Variants in RALGPS1 observed in about 807,000 individuals in gnomAD.
The protein encoded by RALGPS1 is Ral GEF with PH domain and SH3 binding motif 1.
Under a neutral mutation model 78.8 loss-of-function variants are expected in RALGPS1, and 19 were observed. The ratio of observed to expected loss-of-function variants is 0.24; its 90% CI spans 0.17 to 0.35. The LOEUF is 0.35. Ranked by LOEUF, RALGPS1 falls within the 10% of genes least tolerant of loss-of-function variation. The pLI, the probability that RALGPS1 is intolerant of heterozygous loss-of-function variation, is 1.00. For missense variants in RALGPS1, 454 were observed against 688.3 expected, an observed-to-expected ratio of 0.66 and a Z score of 3.81; for synonymous variants, 228 against 256.3, an observed-to-expected ratio of 0.89 and a Z score of 1.06.
intron 11 of RALGPS1, among the ~76,000 whole-genome samples, chr9:127,194,214 C>T (rs147895025): frequency 7.2e-5 from 11 of 152,308 alleles, no homozygotes; most frequent in Non-Finnish European, 1.5e-4. Context: ...TGAATTATTC[C>T]CACTTTTCAG....
At chr9:127,053,909 C>T (rs2048501096) in intron 7 of RALGPS1, among the ~76,000 whole-genome samples, 1 of 152,220 alleles carries the variant, frequency 6.6e-6, no homozygotes, top group Non-Finnish European at 1.5e-5. Flanking sequence ...AGGTGCCATT[C>T]AGAGCATGAC....
intron 8 of RALGPS1, among the ~76,000 whole-genome samples, chr9:127,070,778 G>GATCT (rs2050128013): frequency 6.6e-6 from 1 of 151,928 alleles, no homozygotes; most frequent in African/African-American, 2.4e-5. Flanking sequence ...ATTTGCAAGG[G>GATCT]ATCTAGTGCA....
intron 17 of RALGPS1, chr9:127,213,897 A>G (rs2062426395): frequency 6.6e-6 from 1 of 152,270 alleles, no homozygotes; most frequent in African/African-American, 2.4e-5. Context: ...TGGGGAGACC[A>G]TGCCTTGAGT....
rs571362924 is a variant in RALGPS1 at position 127,196,356 on chromosome 9, C to T, written c.1038-118C>T. 4.2e-5 allele frequency: 50 copies of T among 1,185,138 alleles called. No homozygotes were observed. The East Asian group carries it at 1.2e-3, about 28-fold the overall frequency. 73.4% of individuals were successfully genotyped at this position (1,185,138 alleles called of 1,614,324 possible). A position where few individuals can be genotyped will look rare whatever the true frequency, so the allele number is the denominator to read the frequency against. ...GGACAGAGCCTGGGCTGTACCGTGG[C>T]TCTGGGTGGAGGCCTTTTTCCTGCA... On this transcript the variant is annotated intron_variant, in intron 12 of 18. Transcript: ENST00000259351.
chr9:127,189,971 T>G (rs1408350763), intron 11 of RALGPS1, among the ~76,000 whole-genome samples: 1 of 152,246 alleles, frequency 6.6e-6, no homozygotes, highest in Non-Finnish European at 1.5e-5. Flanking sequence ...TAGTCTCACT[T>G]TAAATAATGA....
At chr9:127,172,236 C>T (rs750563531) in intron 10 of RALGPS1, among the ~76,000 whole-genome samples, 1 of 152,210 alleles carries the variant, frequency 6.6e-6, no homozygotes. Context: ...TGCTGGCTGC[C>T]CTCCTTTGTT....
At chr9:127,027,336 A>C (rs7019291) in intron 4 of RALGPS1, among the ~76,000 whole-genome samples, 79,402 of 151,902 alleles carry the variant, frequency 0.52, 21,418 homozygotes, top group African/African-American at 0.64. Context: ...CTTAATATGG[A>C]ACCAGTTGTA....
intron 14 of RALGPS1, among the ~76,000 whole-genome samples, chr9:127,209,730 G>T (rs1208174229): frequency 6.6e-6 from 1 of 152,104 alleles, no homozygotes; most frequent in Non-Finnish European, 1.5e-5. Context: ...CTCCTTCCTG[G>T]GAGGAGGACA....
At chr9:127,060,397 C>T (rs62580849) in intron 7 of RALGPS1, among the ~76,000 whole-genome samples, 3,590 of 152,258 alleles carry the variant, frequency 0.024, 46 homozygotes, top group Middle Eastern at 0.048. Context: ...TTAAATCAGA[C>T]ACCTGGGTTG....
chr9:126,970,737 T>C (rs1789469616), intron 3 of RALGPS1, among the ~76,000 whole-genome samples: 1 of 152,194 alleles, frequency 6.6e-6, no homozygotes. Flanking sequence ...AAAGGTACTC[T>C]GAACCATATT....
At chr9:126,958,142 A>AAAAAAAAAATATATAT (rs113413659) in intron 1 of RALGPS1, among the ~76,000 whole-genome samples, 29 of 77,084 alleles carry the variant, frequency 3.8e-4, no homozygotes, top group East Asian at 4.0e-4. Flanking sequence ...AAAAAAAAAA[A>AAAAAAAAAATATATAT]ATATATATAT....
chr9:126,963,478 A>G (rs2039120046), intron 2 of RALGPS1, among the ~76,000 whole-genome samples: 1 of 152,164 alleles, frequency 6.6e-6, no homozygotes, highest in South Asian at 2.1e-4. Flanking sequence ...AGTACTCAAT[A>G]AATATTTTTT....
Position 127,052,853 on chromosome 9 carries a change from C to T in RALGPS1, c.397C>T (p.Leu133=), listed in dbSNP as rs150464808. Residue 133 remains leucine, a synonymous_variant, in exon 7 of 19, where the codon CTA becomes TTA. Transcript: ENST00000259351. ...SHFVKIAKKL[L]ELNNLHSLMS... ...TTCCATATCTTTTTTTCAGAAACTT[C>T]TAGAACTCAACAACCTTCATTCTCT... 7.5e-6 allele frequency: 12 copies of T among 1,602,018 alleles called. No homozygotes were observed. The African/African-American group carries it at 1.6e-4, about 21-fold the overall frequency.
chr9:127,059,081 A>G (rs2048983845), intron 7 of RALGPS1, among the ~76,000 whole-genome samples: 3 of 152,194 alleles, frequency 2.0e-5, no homozygotes, highest in Admixed American at 2.0e-4. Flanking sequence ...TCCTTGTACC[A>G]AAAGAACTAA....
intron 11 of RALGPS1, among the ~76,000 whole-genome samples, chr9:127,185,345 A>G (rs1238027717): frequency 2.6e-5 from 4 of 152,176 alleles, no homozygotes; most frequent in African/African-American, 9.7e-5. Flanking sequence ...TTCTGTCTGC[A>G]TCCATCACTG....
intron 8 of RALGPS1, among the ~76,000 whole-genome samples, chr9:127,107,372 C>T (rs1194797518): frequency 2.0e-5 from 3 of 152,312 alleles, no homozygotes; most frequent in African/African-American, 7.2e-5. Flanking sequence ...CATATGGAAG[C>T]ATCATTGAAA....
At chr9:127,213,428 A>G (rs1345876134) in intron 17 of RALGPS1, among the ~76,000 whole-genome samples, 1 of 152,218 alleles carries the variant, frequency 6.6e-6, no homozygotes, top group Non-Finnish European at 1.5e-5. Context: ...CCTGTGCCAT[A>G]AGACTCTGGC....
intron 7 of RALGPS1, among the ~76,000 whole-genome samples, chr9:127,058,765 G>A (rs866809867): frequency 2.0e-5 from 3 of 152,228 alleles, no homozygotes; most frequent in Middle Eastern, 6.8e-3. Context: ...GACATGCCAC[G>A]TGTGCGCATG....
intron 8 of RALGPS1, among the ~76,000 whole-genome samples, chr9:127,159,330 G>T (rs777238956): frequency 8.5e-5 from 13 of 152,124 alleles, no homozygotes; most frequent in Non-Finnish European, 1.8e-4. Flanking sequence ...TTTCACCTTG[G>T]GGAGCCAGGA....
Sources: gnomAD v4.1 joint callset for allele counts (sites outside exome capture counted in the v4.1 genomes callset) on GRCh38, gnomAD v4.1.1 for gene constraint, MANE v1.5 for transcripts, NCBI Gene and HGNC (gene_info 2026-07-23, HGNC 2026-07-21) for gene names.